The following LHFPL6 variants were observed in gnomAD, a reference collection of about 807,000 sequenced individuals.
LHFPL6 encodes the protein LHFPL tetraspan subfamily member 6 protein.
In LHFPL6, 9 loss-of-function variants were observed where a neutral mutation model predicts 20.6. The ratio of observed to expected loss-of-function variants is 0.44; its 90% CI spans 0.26 to 0.76. LHFPL6 has a LOEUF of 0.76. Ranked by LOEUF, LHFPL6 falls within the 30% of genes least tolerant of loss-of-function variation. The probability of loss-of-function intolerance (pLI) is 0.20; values close to 1 mark genes in which losing one functional copy is unlikely to be tolerated. For missense variants in LHFPL6, 218 were observed against 253.5 expected, an observed-to-expected ratio of 0.86 and a Z score of 0.95; for synonymous variants, 105 against 98.7, an observed-to-expected ratio of 1.06 and a Z score of -0.38.
intron 2 of LHFPL6, among the ~76,000 whole-genome samples, chr13:39,383,094 G>A (rs953687180): frequency 6.6e-6 from 1 of 152,150 alleles, no homozygotes; most frequent in African/African-American, 2.4e-5. Flanking sequence ...GGCCAAATAT[G>A]CAACAAATGT....
At chr13:39,436,713 G>A (rs1202772632) in intron 2 of LHFPL6, among the ~76,000 whole-genome samples, 1 of 152,234 alleles carries the variant, frequency 6.6e-6, no homozygotes, top group East Asian at 1.9e-4. Context: ...GCACAGCAAT[G>A]TTATGGTTTG....
intron 2 of LHFPL6, among the ~76,000 whole-genome samples, chr13:39,571,712 A>G (rs562371629): frequency 1.3e-5 from 2 of 152,362 alleles, no homozygotes; most frequent in South Asian, 2.1e-4. Flanking sequence ...CAAGAGGCCA[A>G]CTGAGCTGCT....
At chr13:39,498,801 C>G (rs929664319) in intron 2 of LHFPL6, among the ~76,000 whole-genome samples, 1 of 152,232 alleles carries the variant, frequency 6.6e-6, no homozygotes, top group Non-Finnish European at 1.5e-5. Flanking sequence ...GGATCTCCCA[C>G]CAGCAACTAC....
intron 2 of LHFPL6, among the ~76,000 whole-genome samples, chr13:39,562,475 CATATACATATATACACATATACAT>C (rs1871539169): frequency 2.3e-5 from 2 of 86,612 alleles, no homozygotes; most frequent in African/African-American, 4.0e-5. Flanking sequence ...CACATATACA[CATATACATATATACACATATACAT>C]ATATACATAT....
rs114239618 is a variant in LHFPL6 at position 39,386,848 on chromosome 13, A to G, written c.386-8322T>C. On this transcript the variant is annotated intron_variant, in intron 2 of 3. Transcript: ENST00000379589. Reference sequence around the variant, plus strand: ...TGCACCTATTACTGGTTCTTTGAATATATTTTGAGCTTTTTCATCTCTGAA... The same window carrying G: ...TGCACCTATTACTGGTTCTTTGAATGTATTTTGAGCTTTTTCATCTCTGAA... 4.5e-3 allele frequency among the ~76,000 whole-genome samples: 687 copies of G among 152,266 alleles called. 4 individuals carry two copies. The highest frequency in any genetic ancestry group is 0.016 in the African/African-American group (653 of 41,546).
intron 2 of LHFPL6, among the ~76,000 whole-genome samples, chr13:39,532,137 G>A (rs1870485681): frequency 6.6e-6 from 1 of 152,034 alleles, no homozygotes; most frequent in Non-Finnish European, 1.5e-5. Context: ...TAATAATCCT[G>A]CTTCCCTCCA....
intron 2 of LHFPL6, among the ~76,000 whole-genome samples, chr13:39,387,091 T>A (rs959084293): frequency 1.5e-4 from 23 of 152,124 alleles, no homozygotes; most frequent in African/African-American, 5.6e-4. Flanking sequence ...AAGTATTACA[T>A]GTCCTGGAAG....
At chr13:39,502,447 C>T (rs984598335) in intron 2 of LHFPL6, among the ~76,000 whole-genome samples, 6 of 133,748 alleles carry the variant, frequency 4.5e-5, no homozygotes, top group East Asian at 4.4e-4. Flanking sequence ...GGTGAGACTC[C>T]GTCTCTACAA....
chr13:39,452,105 T>TA (rs34479336), intron 2 of LHFPL6, among the ~76,000 whole-genome samples: 77,809 of 147,586 alleles, frequency 0.53, 20,845 homozygotes, highest in East Asian at 0.89. Flanking sequence ...ACATCAAGGT[T>TA]AAAAAAAAAA....
At chr13:39,557,488 C>T (rs953201962) in intron 2 of LHFPL6, among the ~76,000 whole-genome samples, 1 of 152,220 alleles carries the variant, frequency 6.6e-6, no homozygotes, top group Non-Finnish European at 1.5e-5. Context: ...GTTGGAACCC[C>T]AGTACACAGT....
rs771714175 is a variant in LHFPL6 at position 39,534,764 on chromosome 13, G to T, written c.385+66068C>A. 8.9e-4 allele frequency among the ~76,000 whole-genome samples: 136 copies of T among 152,152 alleles called. 1 individual carries two copies. Among genetic ancestry groups the T allele is most frequent in the East Asian group, 5.8e-4 (3 of 5,176 alleles). On this transcript the variant is annotated intron_variant, in intron 2 of 3. Coordinates refer to ENST00000379589, the MANE Select transcript of LHFPL6 (RefSeq NM_005780.3). ...ACCCTTTTATGCCTTTATAATTGTG[G>T]ACCATATCTATGCATTACCAATTTA...
At chr13:39,417,020 GGT>G (rs1178261075) in intron 2 of LHFPL6, among the ~76,000 whole-genome samples, 2 of 152,142 alleles carry the variant, frequency 1.3e-5, no homozygotes, top group Non-Finnish European at 2.9e-5. Flanking sequence ...GATACATTTA[GGT>G]TATTCCAAGT....
chr13:39,418,364 G>T, intron 2 of LHFPL6, among the ~76,000 whole-genome samples: 1 of 138,374 alleles, frequency 7.2e-6, no homozygotes, highest in African/African-American at 2.6e-5. Flanking sequence ...TTTTTTTAAA[G>T]GGTAAAGTTT....
chr13:39,543,508 G>T (rs966559804), intron 2 of LHFPL6, among the ~76,000 whole-genome samples: 1 of 152,256 alleles, frequency 6.6e-6, no homozygotes, highest in South Asian at 2.1e-4. Context: ...GTTCCCTGGG[G>T]TTTTCTGAGA....
intron 2 of LHFPL6, among the ~76,000 whole-genome samples, chr13:39,599,254 C>A (rs1872857527): frequency 6.6e-6 from 1 of 152,144 alleles, no homozygotes; most frequent in South Asian, 2.1e-4. Context: ...AATGAAACTG[C>A]TTAAGCATTT....
rs537323780 is a variant in LHFPL6 at position 39,447,196 on chromosome 13, G to T, written c.386-68670C>A. On this transcript the variant is annotated intron_variant, in intron 2 of 3. Coordinates refer to ENST00000379589, the MANE Select transcript of LHFPL6 (RefSeq NM_005780.3). ...CGTTACTGTGAAACCCAATCATCAC[G>T]CTTATGAAGCACAAAAGGATCAATA... Among the ~76,000 whole-genome samples, 8 of 152,240 alleles carry T rather than the reference G, an allele frequency of 5.3e-5. 1 individual carries two copies. Among genetic ancestry groups the T allele is most frequent in the African/African-American group, 1.9e-4 (8 of 41,542 alleles).
At chr13:39,387,255 A>G (rs1333399425) in intron 2 of LHFPL6, among the ~76,000 whole-genome samples, 2 of 152,174 alleles carry the variant, frequency 1.3e-5, no homozygotes, top group African/African-American at 2.4e-5. Flanking sequence ...ACTCATAGTT[A>G]TAGAATATAT....
intron 2 of LHFPL6, among the ~76,000 whole-genome samples, chr13:39,463,912 T>C (rs1354987863): frequency 2.0e-5 from 3 of 152,168 alleles, no homozygotes; most frequent in Non-Finnish European, 4.4e-5. Flanking sequence ...GATATGCAAA[T>C]TGAGCAAACC....
chr13:39,425,343 C>T (rs9315684), intron 2 of LHFPL6, among the ~76,000 whole-genome samples: 140,105 of 152,258 alleles, frequency 0.92, 65,623 homozygotes, highest in East Asian at 1. Context: ...CTTTCCAGTG[C>T]TTGACTATTG....
Sources: allele counts gnomAD v4.1 joint callset (sites outside exome capture counted in the v4.1 genomes callset), GRCh38; gene constraint gnomAD v4.1.1; transcripts MANE v1.5; gene names NCBI Gene and HGNC (gene_info 2026-07-23, HGNC 2026-07-21).